Variants in RRM2 observed in about 807,000 individuals in gnomAD.
RRM2 encodes ribonucleoside-diphosphate reductase subunit M2.
In RRM2, 6 loss-of-function variants were observed where a neutral mutation model predicts 45.9. The ratio of observed to expected loss-of-function variants is 0.13; its 90% CI spans 0.07 to 0.26. The LOEUF is 0.26. Among genes scored for constraint, RRM2 ranks in the 10% least tolerant of loss-of-function variants. The probability of loss-of-function intolerance (pLI) is 1.00; values close to 1 mark genes in which losing one functional copy is unlikely to be tolerated. For synonymous variants in RRM2, 177 were observed against 173.0 expected (o/e 1.02, Z -0.18); for missense variants, 343 against 489.5 (o/e 0.70, Z 2.82).
At chr2:10,202,259 A>C (rs1053725287) in intron 3 of RRM2, among the ~76,000 whole-genome samples, 3 of 152,162 alleles carry the variant, frequency 2.0e-5, no homozygotes, top group African/African-American at 7.2e-5. Flanking sequence ...CCACATTCTC[A>C]TGCCTCCCTG....
chr2:10,161,478 G>C (rs543145301), intron 3 of RRM2, among the ~76,000 whole-genome samples: 1 of 152,330 alleles, frequency 6.6e-6, no homozygotes, highest in African/African-American at 2.4e-5. Context: ...TCTTGCAGGT[G>C]TGTCACGTGG....
chr2:10,136,411 G>A (rs1662990708), downstream of RRM2, among the ~76,000 whole-genome samples: 1 of 152,186 alleles, frequency 6.6e-6, no homozygotes, highest in Non-Finnish European at 1.5e-5. Context: ...GATGGAATCT[G>A]TGTTGGGTGT....
At chr2:10,142,493 C>T (rs1663105645) in intron 3 of RRM2, 1 of 1,081,070 alleles carries the variant, frequency 9.3e-7, no homozygotes, top group Non-Finnish European at 1.3e-6. Flanking sequence ...GCACCCCTGC[C>T]AGGTCGGAAA....
At chr2:10,201,148 C>CAAAA (rs146526701) in intron 3 of RRM2, among the ~76,000 whole-genome samples, 3 of 121,036 alleles carry the variant, frequency 2.5e-5, no homozygotes, top group African/African-American at 3.3e-5. Flanking sequence ...GATTCCATCT[C>CAAAA]AAAAAAAAAA....
rs370190282 is a variant in RRM2 at position 10,125,333 on chromosome 2, G to A, written c.569+483G>A. Among the ~76,000 whole-genome samples, 14 of 152,288 alleles carry A rather than the reference G, an allele frequency of 9.2e-5. 1 individual carries two copies. The highest frequency in any genetic ancestry group is 5.9e-4 in the Admixed American group (9 of 15,302). On this transcript the variant is annotated intron_variant, in intron 5 of 9. Transcript: ENST00000304567. ...CATGCAGGAGTTTGGCTGAATAAAGGTAGCTTAAGGTCTGTTTTGTTTTGG... is the reference window on the plus strand; with the variant it reads ...CATGCAGGAGTTTGGCTGAATAAAGATAGCTTAAGGTCTGTTTTGTTTTGG...
At chr2:10,197,373 GCCCAACCAGTC>G (rs958940103) in intron 3 of RRM2, among the ~76,000 whole-genome samples, 1 of 152,166 alleles carries the variant, frequency 6.6e-6, no homozygotes, top group Non-Finnish European at 1.5e-5. Flanking sequence ...TGTTCCTTCT[GCCCAACCAGTC>G]CTAGGGGGAC....
chr2:10,196,270 G>A (rs1432595071), intron 3 of RRM2, among the ~76,000 whole-genome samples: 2 of 152,286 alleles, frequency 1.3e-5, no homozygotes, highest in African/African-American at 4.8e-5. Context: ...TGGGCCACGA[G>A]CCCCCACCAA....
In RRM2 at chr2:10,126,168, A is replaced by T. The variant is rs1381624990; in HGVS notation, c.570-707A>T. On this transcript the variant is annotated intron_variant, in intron 5 of 9. Coordinates refer to ENST00000304567, the MANE Select transcript of RRM2 (RefSeq NM_001034.4). ...AGTGAGACCCTCATCTCTTTAAAAAAAAAAAAAAAAAAAAAAAAAAAAAAG... is the reference window on the plus strand; with the variant it reads ...AGTGAGACCCTCATCTCTTTAAAAATAAAAAAAAAAAAAAAAAAAAAAAAG... Among the ~76,000 whole-genome samples the T allele has an allele frequency of 1.3e-4, 5 of 37,348 alleles. 1 individual carries two copies. The highest frequency in any genetic ancestry group is 4.6e-4 in the African/African-American group (4 of 8,628). The allele number at this position is 37,348 out of a possible 152,430, so 24.5% of individuals were successfully genotyped here.
rs1386036676 is a variant in RRM2, at chr2:10,171,096, G to T, written n.482+28721G>T. 6.6e-6 allele frequency among the ~76,000 whole-genome samples: 1 copy of T among 152,194 alleles called. No homozygotes were observed. The highest frequency in any genetic ancestry group is 1.5e-5 in the Non-Finnish European group (1 of 68,040). On this transcript the variant is annotated intron_variant and non_coding_transcript_variant, in intron 3 of 3. Coordinates refer to the RRM2 transcript ENST00000381786. The surrounding 1 kb of genome is among the most constrained non-coding windows in gnomAD (Gnocchi z 4.1). ...ACAGGCTGCGCCACTCATCATTATAGGCTGCGCCACTCATTATAGGCTGCG... is the reference window on the plus strand; with the variant it reads ...ACAGGCTGCGCCACTCATCATTATATGCTGCGCCACTCATTATAGGCTGCG...
rs1246292332 is a variant in RRM2 at position 10,129,197 on chromosome 2, G to A, written c.1018-37G>A. On this transcript the variant is annotated intron_variant, in intron 9 of 9. Coordinates refer to ENST00000304567, the MANE Select transcript of RRM2 (RefSeq NM_001034.4). The surrounding 1 kb of genome is among the most constrained non-coding windows in gnomAD (Gnocchi z 4.8). ...TAGCCTTTTGCTTGTTTTGAAGCTG[G>A]TGCTCTGTATTTATATCTTGATGTG... is the stretch of plus-strand genomic sequence containing the variant. 1 of 1,613,976 alleles carries A rather than the reference G, an allele frequency of 6.2e-7. No homozygotes were observed. The highest frequency in any genetic ancestry group is 8.5e-7 in the Non-Finnish European group (1 of 1,179,886).
chr2:10,140,003 C>G (rs1663051506), upstream of RRM2, among the ~76,000 whole-genome samples: 1 of 152,074 alleles, frequency 6.6e-6, no homozygotes, highest in Non-Finnish European at 1.5e-5. Flanking sequence ...AATCCCAGCA[C>G]TTTGGGAGGC....
At chr2:10,123,689 C>T (rs759894096) in intron 3 of RRM2, 47 bp from the exon 4 acceptor site, 1 of 1,413,200 alleles carries the variant, frequency 7.1e-7, no homozygotes, top group Non-Finnish European at 1.0e-6. Flanking sequence ...GTCCTGTAGG[C>T]TTTACTCTCT....
At chr2:10,202,874 A>C (rs1157439129) in intron 3 of RRM2, among the ~76,000 whole-genome samples, 1 of 152,198 alleles carries the variant, frequency 6.6e-6, no homozygotes, top group Non-Finnish European at 1.5e-5. Context: ...CTGGGATTAC[A>C]GGCGAGAGGC....
At chr2:10,153,016 A>G (rs538126827) in intron 3 of RRM2, among the ~76,000 whole-genome samples, 49 of 152,274 alleles carry the variant, frequency 3.2e-4, no homozygotes, top group African/African-American at 6.3e-4. Flanking sequence ...CGATATGGAA[A>G]CAACCTAGGT....
At chr2:10,175,684 G>A (rs990554673) in intron 3 of RRM2, among the ~76,000 whole-genome samples, 5 of 152,078 alleles carry the variant, frequency 3.3e-5, no homozygotes, top group African/African-American at 9.7e-5. Flanking sequence ...GGCAACCTCC[G>A]CCTCCCCGGT....
intron 3 of RRM2, among the ~76,000 whole-genome samples, chr2:10,156,994 A>C (rs1663439811): frequency 7.8e-6 from 1 of 127,572 alleles, no homozygotes. Flanking sequence ...GGAGGAAGGG[A>C]GTTTCTGAGC....
chr2:10,199,205 C>T (rs1664481623), intron 3 of RRM2: 1 of 135,304 alleles, frequency 7.4e-6, no homozygotes, highest in South Asian at 2.4e-4. Flanking sequence ...GAGGCAGCGC[C>T]CACTGAAACA....
rs1664637261 is a variant in RRM2 at position 10,205,065 on chromosome 2, C to T, written n.483-5246C>T. The stretch of plus-strand genomic sequence containing the variant: ...TTCGAATCCAGCAAACTTTTGTTTT[C>T]AGTGCCCAGCTCCCTAAGCCTTCTT... On this transcript the variant is annotated intron_variant and non_coding_transcript_variant, in intron 3 of 3. Transcript: ENST00000381786. This position sits in a 1 kb window ranked among gnomAD's most constrained non-coding sequence, Gnocchi z 4.8. 6.6e-6 allele frequency among the ~76,000 whole-genome samples: 1 copy of T among 152,236 alleles called. No individual in the cohort carries two copies. The highest frequency in any genetic ancestry group is 2.4e-5 in the African/African-American group (1 of 41,456).
At chr2:10,162,701 GA>G in intron 3 of RRM2, among the ~76,000 whole-genome samples, 1 of 105,492 alleles carries the variant, frequency 9.5e-6, no homozygotes, top group Admixed American at 1.1e-4. Flanking sequence ...CCCCCCTGCC[GA>G]GGCCTGGGGA....
Sources: gnomAD v4.1 joint callset for allele counts (sites outside exome capture counted in the v4.1 genomes callset) on GRCh38, gnomAD v4.1.1 for gene constraint, Gnocchi (gnomAD v3.1) non-coding constraint, MANE v1.5 for transcripts, NCBI Gene and HGNC (gene_info 2026-07-23, HGNC 2026-07-21) for gene names.